Variants in WSCD2 observed in about 807,000 individuals in gnomAD.
The protein encoded by WSCD2 is WSC domain sialate O sulfotransferase 2, also known as sialate:O-sulfotransferase 2.
Under a neutral mutation model 55.7 loss-of-function variants are expected in WSCD2, and 28 were observed. That is an observed-to-expected ratio of 0.50 (90% CI 0.37 to 0.69). WSCD2 has a LOEUF of 0.69. Among genes scored for constraint, WSCD2 ranks in the 30% least tolerant of loss-of-function variants. WSCD2 has a pLI of 0.00. For missense variants in WSCD2, 616 were observed against 762.1 expected, an observed-to-expected ratio of 0.81 and a Z score of 2.26; for synonymous variants, 301 against 301.9, an observed-to-expected ratio of 1.00 and a Z score of 0.03.
At chr12:108,130,282 C>T (rs1262027733) in intron 1 of WSCD2, among the ~76,000 whole-genome samples, 1 of 152,192 alleles carries the variant, frequency 6.6e-6, no homozygotes, top group African/African-American at 2.4e-5. Flanking sequence ...TTATGAATCA[C>T]CCTCTTTCTG....
chr12:108,233,079 TTTC>T (rs1888950711), intron 7 of WSCD2, 184 bp downstream of exon 7: 1 of 717,652 alleles, frequency 1.4e-6, no homozygotes, highest in Admixed American at 3.0e-5. Flanking sequence ...CCCACAAACA[TTTC>T]TTAAGTCATG....
At chr12:108,132,135 A>ATT (rs5800808) in intron 1 of WSCD2, among the ~76,000 whole-genome samples, 8 of 151,820 alleles carry the variant, frequency 5.3e-5, no homozygotes, top group South Asian at 4.2e-4. Context: ...GGTCAGTGTG[A>ATT]TTTTTTTCTG....
intron 1 of WSCD2, among the ~76,000 whole-genome samples, chr12:108,171,190 T>G: frequency 6.6e-6 from 1 of 152,188 alleles, no homozygotes; most frequent in East Asian, 1.9e-4. Flanking sequence ...TAGGAAGACC[T>G]CTCTGACATG....
At position 108,210,200 on chromosome 12, in the gene WSCD2, G is replaced by A. The variant is rs927881571; in HGVS notation, c.577G>A (p.Ala193Thr). Residue 193 changes from alanine (A) to threonine (T), a missense_variant, in exon 4 of 9, where the codon GCA (alanine) becomes ACA (threonine). Ala to Thr is a moderately conservative substitution (Grantham distance 58). Coordinates refer to ENST00000547525, the MANE Select transcript of WSCD2 (RefSeq NM_014653.4). This position sits in a 1 kb window ranked among gnomAD's most constrained non-coding sequence, Gnocchi z 4.3. The stretch of plus-strand genomic sequence containing the variant: ...GATCCAGGCGACGAACGTGAGCGAG[G>A]CAGAGTGCGACATGGAGTGCAAGGG... Reference protein sequence around the residue: ...HKIQATNVSEAECDMECKGER... With the variant: ...HKIQATNVSETECDMECKGER... 11 of 1,613,938 alleles carry A rather than the reference G, an allele frequency of 6.8e-6. No homozygotes were observed. The highest frequency in any genetic ancestry group is 2.7e-5 in the African/African-American group (2 of 74,930).
intron 1 of WSCD2, among the ~76,000 whole-genome samples, chr12:108,143,831 T>C (rs1877107963): frequency 6.6e-6 from 1 of 152,190 alleles, no homozygotes; most frequent in Non-Finnish European, 1.5e-5. Flanking sequence ...CCCCAGCTCC[T>C]GTGTCAGTTT....
intron 8 of WSCD2, chr12:108,244,465 G>A: frequency 1.4e-6 from 1 of 701,678 alleles, no homozygotes; most frequent in South Asian, 1.5e-5. Context: ...AGGACAAATA[G>A]CATCGTGGAC....
chr12:108,216,457 T>C (rs890188565), intron 4 of WSCD2, among the ~76,000 whole-genome samples: 1 of 152,230 alleles, frequency 6.6e-6, no homozygotes, highest in Admixed American at 6.5e-5. Context: ...GGGAGTACCA[T>C]TCACATAGAC....
intron 3 of WSCD2, among the ~76,000 whole-genome samples, chr12:108,208,937 C>CT (rs1401489948): frequency 1.3e-5 from 2 of 152,206 alleles, no homozygotes; most frequent in Non-Finnish European, 2.9e-5. Flanking sequence ...TTAAAAATCA[C>CT]TAATATCATT....
chr12:108,138,790 A>G (rs1361997739), intron 1 of WSCD2, among the ~76,000 whole-genome samples: 1 of 152,208 alleles, frequency 6.6e-6, no homozygotes, highest in Non-Finnish European at 1.5e-5. Flanking sequence ...CTTGATTCAT[A>G]AACATATTTG....
At chr12:108,215,643 T>C (rs1280200830) in intron 4 of WSCD2, among the ~76,000 whole-genome samples, 2 of 152,190 alleles carry the variant, frequency 1.3e-5, no homozygotes, top group Non-Finnish European at 2.9e-5. Flanking sequence ...TAGGTAGCCA[T>C]TAACAGCTTC....
chr12:108,216,762 G>A (rs1418045417), intron 4 of WSCD2, among the ~76,000 whole-genome samples: 1 of 152,226 alleles, frequency 6.6e-6, no homozygotes, highest in African/African-American at 2.4e-5. Flanking sequence ...TGTTCCACCT[G>A]AGGAGCAGAA....
chr12:108,176,196 C>T (rs1159943053), intron 1 of WSCD2, among the ~76,000 whole-genome samples: 1 of 152,156 alleles, frequency 6.6e-6, no homozygotes, highest in African/African-American at 2.4e-5. Flanking sequence ...CAGTAAAATG[C>T]ACCCATTTTA....
At position 108,174,988 on chromosome 12, in the gene WSCD2, G is replaced by A. The variant is rs116062574; in HGVS notation, c.-551-20294G>A. Among the ~76,000 whole-genome samples, 326 of 152,304 alleles carry A rather than the reference G, an allele frequency of 2.1e-3. 1 individual carries two copies. The highest frequency in any genetic ancestry group is 7.2e-3 in the African/African-American group (298 of 41,560). On this transcript the variant is annotated intron_variant, in intron 1 of 8. Coordinates refer to ENST00000547525, the MANE Select transcript of WSCD2 (RefSeq NM_014653.4). ...TGGGAGCCAGGGACACAGAGGTGAG[G>A]AAGACAAGACTCGCCCCTCTCTTCA...
intron 1 of WSCD2, among the ~76,000 whole-genome samples, chr12:108,170,628 A>T (rs1464510317): frequency 1.2e-4 from 18 of 152,196 alleles, no homozygotes; most frequent in Admixed American, 1.2e-3. Flanking sequence ...AGACTCAGTG[A>T]CCCTATCTAT....
At chr12:108,140,887 C>T (rs879743811) in intron 1 of WSCD2, among the ~76,000 whole-genome samples, 2 of 152,230 alleles carry the variant, frequency 1.3e-5, no homozygotes, top group Non-Finnish European at 2.9e-5. Context: ...GGGACTAGAA[C>T]GTGGGCCTTT....
At chr12:108,156,985 G>C (rs1434063847) in intron 1 of WSCD2, among the ~76,000 whole-genome samples, 1 of 152,176 alleles carries the variant, frequency 6.6e-6, no homozygotes, top group East Asian at 1.9e-4. Flanking sequence ...CTTGTTCCCT[G>C]TCCCAGAGAA....
rs543512768 is a variant in WSCD2, at chr12:108,145,920, A to G, written c.-552+15994A>G. Among the ~76,000 whole-genome samples the G allele has an allele frequency of 7.0e-4, 107 of 152,342 alleles. 1 individual carries two copies. The highest frequency in any genetic ancestry group is 1.4e-3 in the Non-Finnish European group (97 of 68,034). ...TTATAAAATGCTCAAAAGAGAAGCTAAACTACATTATAGTGTTTAGGGATG... is the reference window on the plus strand; with the variant it reads ...TTATAAAATGCTCAAAAGAGAAGCTGAACTACATTATAGTGTTTAGGGATG... On this transcript the variant is annotated intron_variant, in intron 1 of 8. Transcript: ENST00000547525.
At chr12:108,223,478 T>C (rs919442885) in intron 4 of WSCD2, among the ~76,000 whole-genome samples, 2 of 152,206 alleles carry the variant, frequency 1.3e-5, no homozygotes, top group Admixed American at 1.3e-4. Flanking sequence ...TCAGTAGAAT[T>C]CCATTGTGTG....
At chr12:108,191,035 A>T (rs1339806295) in intron 1 of WSCD2, among the ~76,000 whole-genome samples, 1 of 152,226 alleles carries the variant, frequency 6.6e-6, no homozygotes, top group Non-Finnish European at 1.5e-5. Context: ...AGTGAATGAC[A>T]GGAGGGGATA....
Sources: gnomAD v4.1 joint callset for allele counts (sites outside exome capture counted in the v4.1 genomes callset) on GRCh38, gnomAD v4.1.1 for gene constraint, Gnocchi (gnomAD v3.1) non-coding constraint, MANE v1.5 for transcripts, NCBI Gene and HGNC (gene_info 2026-07-23, HGNC 2026-07-21) for gene names.